The following SPI1 variants were observed in gnomAD, a reference collection of about 807,000 sequenced individuals.
SPI1 encodes Spi-1 proto-oncogene, also known as transcription factor PU.1.
A neutral mutation model predicts 30.7 loss-of-function variants in SPI1; 3 were observed. The ratio of observed to expected loss-of-function variants is 0.10; its 90% CI spans 0.04 to 0.25. SPI1 has a LOEUF of 0.25. Ranked by LOEUF, SPI1 falls within the 10% of genes least tolerant of loss-of-function variation. The pLI is 1.00. For synonymous variants in SPI1, 169 were observed against 157.1 expected, an observed-to-expected ratio of 1.08 and a Z score of -0.56; for missense variants, 261 against 371.5, an observed-to-expected ratio of 0.70 and a Z score of 2.45.
intron 1 of SPI1, among the ~76,000 whole-genome samples, chr11:47,377,654 C>A (rs1041474339): frequency 2.0e-5 from 3 of 152,102 alleles, no homozygotes; most frequent in Non-Finnish European, 4.4e-5. Context: ...CAGCCCTGTC[C>A]CCTGCCGCGC....
chr11:47,369,483 G>A (rs1341609489), intron 2 of SPI1, among the ~76,000 whole-genome samples: 1 of 148,626 alleles, frequency 6.7e-6, no homozygotes, highest in East Asian at 2.0e-4. Flanking sequence ...CTTTTAAAAA[G>A]CTTACTCAGT....
At position 47,378,432 on chromosome 11, in the gene SPI1, CAG is replaced by C. The variant is rs775003825; in HGVS notation, c.-81_-80del. The C allele has an allele frequency of 1.1e-4, 165 of 1,512,904 alleles. No individual in the cohort carries two copies. The African/African-American group carries it at 1.9e-3, about 18-fold the overall frequency. The allele number at this position is 1,512,904 out of a possible 1,614,324, so 93.7% of individuals were successfully genotyped here. ...AGCCCCTCAGGATGGGGTGCCCCGT[CAG>C]GGGCTGGACGGTCGTGGGGCGGGTG... On this transcript the variant is annotated 5_prime_UTR_variant, in exon 1 of 5. Coordinates refer to ENST00000378538, the MANE Select transcript of SPI1 (RefSeq NM_003120.3).
Position 47,359,926 on chromosome 11 carries a change from C to T in SPI1, c.257G>A (p.Arg86His), listed in dbSNP as rs1370001180. ...VQPPQLQQLY[R>H]HMELEQMHVL... ...GTGCATCTGCTCCAGCTCCATGTGGCGGTAGAGCTGCTGCAGCTGCGGGGG... is the reference window on the plus strand; with the variant it reads ...GTGCATCTGCTCCAGCTCCATGTGGTGGTAGAGCTGCTGCAGCTGCGGGGG... The change falls in exon 3 of 5, where the codon CGC becomes CAC. Residue 86 changes from arginine to histidine, a missense_variant. This residue lies in a region of SPI1 where 10 missense variants were observed against 31.6 expected (regional missense o/e 0.32). Coordinates refer to ENST00000378538, the MANE Select transcript of SPI1 (RefSeq NM_003120.3). This position sits in a 1 kb window ranked among gnomAD's most constrained non-coding sequence, Gnocchi z 5.1. 1.9e-6 allele frequency: 3 copies of T among 1,611,324 alleles called. No homozygotes were observed. Among genetic ancestry groups the T allele is most frequent in the South Asian group, 1.1e-5 (1 of 91,060 alleles).
intron 2 of SPI1, among the ~76,000 whole-genome samples, chr11:47,371,197 A>G (rs1016488777): frequency 5.3e-5 from 8 of 150,590 alleles, no homozygotes; most frequent in African/African-American, 1.7e-4. Flanking sequence ...TGCCTCTACT[A>G]AAAATACAAA....
chr11:47,360,123 G>T, intron 2 of SPI1, 83 bp from the exon 3 acceptor site: 1 of 1,239,054 alleles, frequency 8.1e-7, no homozygotes, highest in Non-Finnish European at 1.1e-6. Context: ...AAATAATACT[G>T]CCAGGCCATA....
rs1257838774 is a variant in SPI1, at chr11:47,375,673, C to T, written c.102G>A (p.Glu34=). 3 of 1,613,922 alleles carry T rather than the reference C, an allele frequency of 1.9e-6. No homozygotes were observed. The highest frequency in any genetic ancestry group is 1.7e-5 in the Admixed American group (1 of 59,996). The change falls in exon 2 of 5, where the codon GAG becomes GAA. Residue 34 remains glutamate (E), a synonymous_variant. Coordinates refer to ENST00000378538, the MANE Select transcript of SPI1 (RefSeq NM_003120.3). This position sits in a 1 kb window ranked among gnomAD's most constrained non-coding sequence, Gnocchi z 4.2. The stretch of plus-strand genomic sequence containing the variant: ...CATCACTGCTGAGATAGGGGTAATA[C>T]TCGTGCGTTTGGCGTTGGTATAGAT... ...DTDLYQRQTH[E]YYPYLSSDGE...
At chr11:47,365,697 T>A (rs186046639) in intron 2 of SPI1, among the ~76,000 whole-genome samples, 18 of 151,998 alleles carry the variant, frequency 1.2e-4, no homozygotes, top group Admixed American at 3.3e-4. Flanking sequence ...GCTGAGAGAT[T>A]TTTTATTTTA....
Position 47,375,837 on chromosome 11 carries a change from G to A in SPI1, c.46-108C>T, listed in dbSNP as rs2095941610. On this transcript the variant is annotated intron_variant, in intron 1 of 4. Transcript: ENST00000378538. This position sits in a 1 kb window ranked among gnomAD's most constrained non-coding sequence, Gnocchi z 4.2. ...CATCACCTTCCCTGGCTCAGTGGCTGCGTTGGACCTACAGCCCTCCCTCTG... is the reference window on the plus strand; with the variant it reads ...CATCACCTTCCCTGGCTCAGTGGCTACGTTGGACCTACAGCCCTCCCTCTG... 1 of 874,374 alleles carries A rather than the reference G, an allele frequency of 1.1e-6. No homozygotes were observed. The highest frequency in any genetic ancestry group is 1.9e-6 in the Non-Finnish European group (1 of 516,558). The allele number at this position is 874,374 out of a possible 1,614,324, so 54.2% of individuals were successfully genotyped here. A position where few individuals can be genotyped will look rare whatever the true frequency, so the allele number is the denominator to read the frequency against.
At position 47,358,980 on chromosome 11, in the gene SPI1, G is replaced by A. The variant is rs1437733161; in HGVS notation, c.357C>T (p.Leu119=). Residue 119 remains leucine, a synonymous_variant, in exon 4 of 5, where the codon CTC becomes CTT. Transcript: ENST00000378538. ...HQVSYLPRMC[L]QYPSLSPAQP... is the part of the protein sequence containing the mutation. ...GGGCTGGGGACAGGGATGGGTACTG[G>A]AGGCACATCCGGGGCAGGTAGGAGA... 1.3e-6 allele frequency: 2 copies of A among 1,537,696 alleles called. No individual in the cohort carries two copies. Among genetic ancestry groups the A allele is most frequent in the Non-Finnish European group, 1.8e-6 (2 of 1,142,682 alleles).
intron 2 of SPI1, among the ~76,000 whole-genome samples, chr11:47,368,847 T>C (rs1425351111): frequency 6.6e-6 from 1 of 152,184 alleles, no homozygotes; most frequent in African/African-American, 2.4e-5. Context: ...ATGGTGATGA[T>C]AACGTGAATA....
intron 2 of SPI1, among the ~76,000 whole-genome samples, chr11:47,367,257 A>G (rs531494693): frequency 1.3e-5 from 2 of 152,264 alleles, no homozygotes; most frequent in Admixed American, 6.5e-5. Flanking sequence ...TCTTTTCTTC[A>G]TCAATCCTAT....
chr11:47,357,136 A>G (rs2095912014), intron 4 of SPI1, among the ~76,000 whole-genome samples: 1 of 146,654 alleles, frequency 6.8e-6, no homozygotes, highest in African/African-American at 2.6e-5. Flanking sequence ...CACCTCACAC[A>G]TGCTCACACC....
chr11:47,356,696 C>G (rs1182884397), intron 4 of SPI1, among the ~76,000 whole-genome samples: 1 of 151,938 alleles, frequency 6.6e-6, no homozygotes, highest in Non-Finnish European at 1.5e-5. Context: ...CTCACCCTTG[C>G]ACACACATGC....
chr11:47,365,108 C>T (rs181844834), intron 2 of SPI1, among the ~76,000 whole-genome samples: 4 of 152,252 alleles, frequency 2.6e-5, no homozygotes, highest in Admixed American at 2.6e-4. Flanking sequence ...ACAAGGAATC[C>T]TTCCTAGTGC....
chr11:47,376,518 C>T (rs990443905), intron 1 of SPI1, among the ~76,000 whole-genome samples: 8 of 152,068 alleles, frequency 5.3e-5, no homozygotes, highest in Non-Finnish European at 8.8e-5. Context: ...CACTCTCCCT[C>T]CTGAGTCCTC....
rs2095939884 is a variant in SPI1 at position 47,374,535 on chromosome 11, A to G, written c.142+1098T>C. On this transcript the variant is annotated intron_variant, in intron 2 of 4. Transcript: ENST00000378538. The surrounding 1 kb of genome is among the most constrained non-coding windows in gnomAD (Gnocchi z 4.5). Reference sequence around the variant, plus strand: ...GCATCTGCAGAATGGAGCTACAGGCATGACTGGCCGCAGGGGTGGCCTTCA... The same window carrying G: ...GCATCTGCAGAATGGAGCTACAGGCGTGACTGGCCGCAGGGGTGGCCTTCA... Among the ~76,000 whole-genome samples, 1 of 152,160 alleles carries G rather than the reference A, an allele frequency of 6.6e-6. No homozygotes were observed. The highest frequency in any genetic ancestry group is 2.4e-5 in the African/African-American group (1 of 41,430).
At chr11:47,367,414 C>T (rs920176902) in intron 2 of SPI1, among the ~76,000 whole-genome samples, 11 of 151,666 alleles carry the variant, frequency 7.3e-5, no homozygotes, top group Non-Finnish European at 1.3e-4. Flanking sequence ...AGTAGCCGGG[C>T]GTGGTGGCAT....
chr11:47,356,392 C>G (rs2095909354), intron 4 of SPI1, among the ~76,000 whole-genome samples: 1 of 151,402 alleles, frequency 6.6e-6, no homozygotes, highest in African/African-American at 2.4e-5. Flanking sequence ...TTCACACCCA[C>G]TCACATGCAC....
chr11:47,366,518 G>C (rs1193386851), intron 2 of SPI1, among the ~76,000 whole-genome samples: 1 of 152,152 alleles, frequency 6.6e-6, no homozygotes, highest in African/African-American at 2.4e-5. Context: ...CAGACCACTA[G>C]ACTAGGGCTC....
Sources: gnomAD v4.1 joint callset for allele counts (sites outside exome capture counted in the v4.1 genomes callset) on GRCh38, gnomAD v4.1.1 for gene constraint, gnomAD v4.1.1 regional missense constraint, Gnocchi (gnomAD v3.1) non-coding constraint, MANE v1.5 for transcripts, NCBI Gene and HGNC (gene_info 2026-07-23, HGNC 2026-07-21) for gene names.